ST6GALNAC3: variants seen among roughly 807,000 people sequenced by gnomAD.
The protein encoded by ST6GALNAC3 is ST6 N-acetylgalactosaminide alpha-2,6-sialyltransferase 3, also known as alpha-N-acetylgalactosaminide alpha-2,6-sialyltransferase 3.
ST6GALNAC3 carries 25 observed loss-of-function variants against 32.7 expected under a neutral mutation model. That is an observed-to-expected ratio of 0.76 (90% confidence interval 0.56 to 1.07). The LOEUF (loss-of-function observed/expected upper bound fraction) is 1.07, where lower values mean the gene tolerates loss of function less well. ST6GALNAC3 is among the 50% of genes least tolerant of loss of function. The pLI is 0.00. For synonymous variants in ST6GALNAC3, 129 were observed against 133.1 expected (o/e 0.97, Z 0.21); for missense variants, 355 against 382.4 (o/e 0.93, Z 0.60).
chr1:76,080,588 G>A lies in ST6GALNAC3; in HGVS notation c.18+5704G>A, dbSNP rs1270268294. Among the ~76,000 whole-genome samples, 4 of 148,784 alleles carry A rather than the reference G, an allele frequency of 2.7e-5. No individual in the cohort carries two copies. In the South Asian group the frequency reaches 6.3e-4, roughly 24 times the overall value. On this transcript the variant is annotated intron_variant, in intron 1 of 4. Transcript: ENST00000328299. Reference sequence around the variant, plus strand: ...GAAGTGTAGGCGTGGTTTAACTTTTGTCATGATCATTTTGGTTCCCCAGAT... The same window carrying A: ...GAAGTGTAGGCGTGGTTTAACTTTTATCATGATCATTTTGGTTCCCCAGAT...
intron 2 of ST6GALNAC3, among the ~76,000 whole-genome samples, chr1:76,337,910 C>A (rs141220032): frequency 0.014 from 2,170 of 152,184 alleles, 17 homozygotes; most frequent in Middle Eastern, 0.024. Flanking sequence ...CAAAGGGCTG[C>A]GTGAGGTGGT....
At chr1:76,536,363 G>T (rs1395722497) in intron 3 of ST6GALNAC3, among the ~76,000 whole-genome samples, 1 of 152,096 alleles carries the variant, frequency 6.6e-6, no homozygotes, top group Non-Finnish European at 1.5e-5. Flanking sequence ...GTTCAGCATG[G>T]CTGGGGAGGC....
chr1:76,084,134 T>C (rs1646934901), intron 1 of ST6GALNAC3, among the ~76,000 whole-genome samples: 1 of 152,176 alleles, frequency 6.6e-6, no homozygotes, highest in African/African-American at 2.4e-5. Flanking sequence ...ACCACTAGAC[T>C]CAGACAATGA....
chr1:76,618,931 T>TATA (rs1648463917), intron 3 of ST6GALNAC3, among the ~76,000 whole-genome samples: 1 of 152,198 alleles, frequency 6.6e-6, no homozygotes, highest in Admixed American at 6.5e-5. Context: ...GAATGAACAA[T>TATA]ATAATCTAGC....
At chr1:76,329,257 AGAAT>A (rs1170227380) in intron 2 of ST6GALNAC3, among the ~76,000 whole-genome samples, 1 of 152,186 alleles carries the variant, frequency 6.6e-6, no homozygotes, top group Admixed American at 6.5e-5. Flanking sequence ...TTAACATAGA[AGAAT>A]GCCTCCTAAG....
At chr1:76,150,901 G>A (rs551942417) in intron 1 of ST6GALNAC3, among the ~76,000 whole-genome samples, 4 of 152,272 alleles carry the variant, frequency 2.6e-5, no homozygotes, top group South Asian at 2.1e-4. Context: ...GGGATTGTCC[G>A]GGTCTTGATA....
intron 1 of ST6GALNAC3, among the ~76,000 whole-genome samples, chr1:76,196,578 A>C (rs1469979784): frequency 1.3e-5 from 2 of 151,158 alleles, no homozygotes; most frequent in Non-Finnish European, 2.9e-5. Context: ...CGATTCTCCC[A>C]CGTCAGCCTC....
At chr1:76,109,981 T>C (rs1354366027) in intron 1 of ST6GALNAC3, among the ~76,000 whole-genome samples, 1 of 152,228 alleles carries the variant, frequency 6.6e-6, no homozygotes, top group Admixed American at 6.5e-5. Flanking sequence ...TTATTAAGAT[T>C]ATAAGAAAGC....
At chr1:76,282,866 T>TAAAAA (rs35306096) in intron 1 of ST6GALNAC3, among the ~76,000 whole-genome samples, 39,792 of 138,462 alleles carry the variant, frequency 0.29, 6,512 homozygotes, top group Non-Finnish European at 0.38. Context: ...CCATCTCTAC[T>TAAAAA]AAAAAAAAAA....
intron 3 of ST6GALNAC3, among the ~76,000 whole-genome samples, chr1:76,608,158 G>A (rs1157943374): frequency 6.6e-6 from 1 of 152,170 alleles, no homozygotes; most frequent in Non-Finnish European, 1.5e-5. Context: ...TAAGTACATG[G>A]ACCTGAGGCA....
chr1:76,492,301 G>A (rs1429795332), intron 3 of ST6GALNAC3, among the ~76,000 whole-genome samples: 1 of 151,920 alleles, frequency 6.6e-6, no homozygotes, highest in African/African-American at 2.4e-5. Flanking sequence ...ATATTTCATG[G>A]GAAGTAAAAT....
chr1:76,278,223 C>CTTTTTTTTT (rs568694243), intron 1 of ST6GALNAC3, among the ~76,000 whole-genome samples: 4 of 113,768 alleles, frequency 3.5e-5, no homozygotes, highest in African/African-American at 1.4e-4. Flanking sequence ...GCTAGGCATT[C>CTTTTTTTTT]TTTTTTTTTT....
At chr1:76,289,599 G>C (rs1341457510) in intron 1 of ST6GALNAC3, among the ~76,000 whole-genome samples, 1 of 152,230 alleles carries the variant, frequency 6.6e-6, no homozygotes, top group Non-Finnish European at 1.5e-5. Flanking sequence ...AGGGGTAAGA[G>C]GGATGAGTGG....
At chr1:76,418,230 TG>T (rs1270511848) in intron 3 of ST6GALNAC3, among the ~76,000 whole-genome samples, 5 of 152,124 alleles carry the variant, frequency 3.3e-5, no homozygotes, top group Non-Finnish European at 1.5e-5. Context: ...GAGATGAAAT[TG>T]GCTCTCATCC....
chr1:76,173,000 G>A (rs1369827403), intron 1 of ST6GALNAC3, among the ~76,000 whole-genome samples: 1 of 152,026 alleles, frequency 6.6e-6, no homozygotes, highest in Non-Finnish European at 1.5e-5. Context: ...AATTTCATGT[G>A]GAATCAAAGA....
intron 1 of ST6GALNAC3, among the ~76,000 whole-genome samples, chr1:76,084,414 T>G (rs1394866887): frequency 1.3e-5 from 2 of 152,210 alleles, no homozygotes; most frequent in Admixed American, 1.3e-4. Flanking sequence ...CTTTGTGGTA[T>G]GTGTGAGTTG....
intron 1 of ST6GALNAC3, among the ~76,000 whole-genome samples, chr1:76,179,871 T>TG (rs1345843666): frequency 6.6e-6 from 1 of 152,236 alleles, no homozygotes; most frequent in East Asian, 1.9e-4. Context: ...GGTATTTGTA[T>TG]GGTTCCCTCA....
chr1:76,298,427 G>A (rs1351339384), intron 1 of ST6GALNAC3, among the ~76,000 whole-genome samples: 1 of 152,012 alleles, frequency 6.6e-6, no homozygotes, highest in African/African-American at 2.4e-5. Context: ...ATGCAGGGCT[G>A]AAATGTTATA....
chr1:76,305,991 G>C, intron 1 of ST6GALNAC3: 1 of 491,370 alleles, frequency 2.0e-6, no homozygotes, highest in East Asian at 5.6e-5. Context: ...TCATATAACT[G>C]GTTCAGAAAT....
Sources: allele counts gnomAD v4.1 joint callset (sites outside exome capture counted in the v4.1 genomes callset), GRCh38; gene constraint gnomAD v4.1.1; transcripts MANE v1.5; gene names NCBI Gene and HGNC (gene_info 2026-07-23, HGNC 2026-07-21).